Variants in LIPH observed in about 807,000 individuals in gnomAD.
The protein encoded by LIPH is lipase member H.
A neutral mutation model predicts 47.6 loss-of-function variants in LIPH; 32 were observed. That is an observed-to-expected ratio of 0.67 (90% CI 0.51 to 0.90). The LOEUF is 0.90. Among genes scored for constraint, LIPH ranks in the 40% least tolerant of loss-of-function variants. The pLI is 0.00. For synonymous variants in LIPH, 190 were observed against 195.6 expected (o/e 0.97, Z 0.24); for missense variants, 497 against 541.4 (o/e 0.92, Z 0.81).
chr3:185,535,189 CA>C, intron 1 of LIPH, 57 bp from the exon 2 acceptor site: 1 of 1,528,940 alleles, frequency 6.5e-7, no homozygotes, highest in South Asian at 1.1e-5. Context: ...GGGCATCAAG[CA>C]AGAGTGCTGT....
intron 4 of LIPH, 98 bp downstream of exon 4, chr3:185,527,386 T>C: frequency 1.1e-6 from 1 of 896,936 alleles, no homozygotes; most frequent in South Asian, 1.3e-5. Context: ...AGTTAGAATC[T>C]AGAGGAACCT....
intron 3 of LIPH, among the ~76,000 whole-genome samples, chr3:185,530,897 T>C (rs906375212): frequency 2.0e-5 from 3 of 152,020 alleles, no homozygotes; most frequent in Admixed American, 2.0e-4. Context: ...AAATTAATGG[T>C]GAGAGCCTCA....
intron 1 of LIPH, among the ~76,000 whole-genome samples, chr3:185,541,456 G>A (rs2148963516): frequency 6.7e-6 from 1 of 148,676 alleles, no homozygotes; most frequent in African/African-American, 2.5e-5. Context: ...CCAGGCTGGA[G>A]TGCACTGGCA....
intron 3 of LIPH, among the ~76,000 whole-genome samples, chr3:185,531,611 T>G (rs1577679453): frequency 6.7e-6 from 1 of 150,002 alleles, no homozygotes; most frequent in Non-Finnish European, 1.5e-5. Flanking sequence ...GGCCAGCTGG[T>G]GGCTCACACC....
intron 1 of LIPH, among the ~76,000 whole-genome samples, chr3:185,545,587 T>A (rs886949527): frequency 6.6e-6 from 1 of 152,126 alleles, no homozygotes; most frequent in African/African-American, 2.4e-5. Flanking sequence ...TAGTCTAATG[T>A]CCTAAATACA....
intron 1 of LIPH, among the ~76,000 whole-genome samples, chr3:185,537,611 CCTT>C (rs1024937083): frequency 6.6e-6 from 1 of 152,098 alleles, no homozygotes; most frequent in Non-Finnish European, 1.5e-5. Context: ...CTGAGCCTCT[CCTT>C]CTTAGCTATC....
chr3:185,509,967 G>T (rs1266164785), intron 9 of LIPH, among the ~76,000 whole-genome samples: 41 of 126,934 alleles, frequency 3.2e-4, no homozygotes, highest in Admixed American at 3.5e-4. Flanking sequence ...TTTTTTTTGA[G>T]ACAGGGTCTC....
At chr3:185,542,631 T>C (rs143738523) in intron 1 of LIPH, among the ~76,000 whole-genome samples, 32 of 152,334 alleles carry the variant, frequency 2.1e-4, no homozygotes, top group African/African-American at 7.2e-4. Context: ...CCTGTGCTTT[T>C]TCTTGGTTAT....
intron 9 of LIPH, among the ~76,000 whole-genome samples, chr3:185,511,136 G>A (rs1719548430): frequency 1.3e-5 from 2 of 151,714 alleles, no homozygotes; most frequent in Admixed American, 1.3e-4. Context: ...GGGCTCAAGT[G>A]ATCCTCTCAC....
intron 1 of LIPH, chr3:185,546,972 T>A (rs1389693929): frequency 2.3e-6 from 1 of 439,454 alleles, no homozygotes; most frequent in Non-Finnish European, 4.5e-6. Flanking sequence ...CAAAGAGGCA[T>A]CTGTGAAAAA....
chr3:185,524,120 G>A lies in LIPH; in HGVS notation c.669C>T (p.Tyr223=). 2 of 1,613,626 alleles carry A rather than the reference G, an allele frequency of 1.2e-6. No individual in the cohort carries two copies. The highest frequency in any genetic ancestry group is 8.5e-7 in the Non-Finnish European group (1 of 1,179,560). ...CAGGTTGATCCAATCCTCCATTTGG[G>A]TAGAAGTCTATGTTTCCTAATGGCT... The part of the protein sequence containing the change: ...YKEPLGNIDF[Y]PNGGLDQPGC... The change falls in exon 5 of 10, where the codon TAC becomes TAT. Residue 223 remains tyrosine (Y), a synonymous_variant. Transcript: ENST00000296252.
intron 7 of LIPH, among the ~76,000 whole-genome samples, chr3:185,515,393 TG>T (rs1162986638): frequency 6.6e-6 from 1 of 152,152 alleles, no homozygotes; most frequent in African/African-American, 2.4e-5. Context: ...AGGTCAGTCC[TG>T]GATTTGCCAT....
chr3:185,527,445 CCTGGCGGTGTCA>C (rs759743595), intron 4 of LIPH, 27 bp downstream of exon 4: 1 of 1,343,242 alleles, frequency 7.4e-7, no homozygotes, highest in Non-Finnish European at 1.1e-6. Context: ...TCTTTAGGAG[CCTGGCGGTGTCA>C]CTGACCCACA....
Position 185,506,556 on chromosome 3 carries a change from C to T in LIPH, c.*2234G>A, listed in dbSNP as rs565414617. ...ACAGACCAATAAAACTAAGAAGAAA[C>T]CAGGGCTGCCGGGTACGATGGCTCA... On this transcript the variant is annotated 3_prime_UTR_variant, in exon 10 of 10. Coordinates refer to ENST00000296252, the MANE Select transcript of LIPH (RefSeq NM_139248.3). The T allele has an allele frequency of 6.6e-6, 1 of 151,894 alleles. No homozygotes were observed. Among genetic ancestry groups the T allele is most frequent in the Non-Finnish European group, 1.5e-5 (1 of 68,046 alleles). 9.4% of individuals were successfully genotyped at this position (151,894 alleles called of 1,614,324 possible).
chr3:185,543,134 G>A (rs139124508), intron 1 of LIPH, among the ~76,000 whole-genome samples: 12,454 of 152,108 alleles, frequency 0.082, 926 homozygotes, highest in East Asian at 0.42. Flanking sequence ...GCTTGAACCC[G>A]GGAGGCAGAG....
In LIPH at chr3:185,534,136, T is replaced by C. The variant is rs556774750; in HGVS notation, c.418-457A>G. On this transcript the variant is annotated intron_variant, in intron 2 of 9. Coordinates refer to ENST00000296252, the MANE Select transcript of LIPH (RefSeq NM_139248.3). ...ACTTTGGAAGGCCAAGGCAGGTGGA[T>C]CACGAGGTCAGGAGATCAAGACCAT... is the stretch of plus-strand genomic sequence containing the variant. Among the ~76,000 whole-genome samples, 9 of 152,194 alleles carry C rather than the reference T, an allele frequency of 5.9e-5. 1 individual carries two copies. In the South Asian group the frequency reaches 1.9e-3, roughly 32 times the overall value.
At chr3:185,510,072 G>A (rs1027091927) in intron 9 of LIPH, among the ~76,000 whole-genome samples, 2 of 150,788 alleles carry the variant, frequency 1.3e-5, no homozygotes, top group African/African-American at 2.4e-5. Context: ...TCAGCCTCCC[G>A]AGTAGCTGGG....
At chr3:185,512,519 T>C (rs963098143) in intron 8 of LIPH, among the ~76,000 whole-genome samples, 1 of 150,082 alleles carries the variant, frequency 6.7e-6, no homozygotes, top group African/African-American at 2.5e-5. Flanking sequence ...GATGGATTCT[T>C]GCTCTGTTGC....
chr3:185,517,372 AGTT>A (rs1033093960), intron 6 of LIPH, among the ~76,000 whole-genome samples: 1 of 152,164 alleles, frequency 6.6e-6, no homozygotes, highest in African/African-American at 2.4e-5. Flanking sequence ...AGGACCCTCC[AGTT>A]GTTTTCCCCC....
Sources: gnomAD v4.1 joint callset for allele counts (sites outside exome capture counted in the v4.1 genomes callset) on GRCh38, gnomAD v4.1.1 for gene constraint, MANE v1.5 for transcripts, NCBI Gene and HGNC (gene_info 2026-07-23, HGNC 2026-07-21) for gene names.